Variants in ANXA4 observed in about 807,000 individuals in gnomAD.
ANXA4 encodes the protein annexin A4, also known as 35-beta calcimedin.
A neutral mutation model predicts 49.8 loss-of-function variants in ANXA4; 39 were observed. The observed-to-expected ratio is 0.78, with a 90% CI of 0.61 to 1.02. The LOEUF is 1.02. Ranked by LOEUF, ANXA4 falls within the 50% of genes least tolerant of loss-of-function variation. ANXA4 has a pLI of 0.00. For synonymous variants in ANXA4, 134 were observed against 152.5 expected (o/e 0.88, Z 0.89); for missense variants, 360 against 410.1 (o/e 0.88, Z 1.05).
chr2:69,750,281 T>C (rs1274461751), intron 1 of ANXA4, among the ~76,000 whole-genome samples: 1 of 152,254 alleles, frequency 6.6e-6, no homozygotes, highest in African/African-American at 2.4e-5. Context: ...AGCATGCAAG[T>C]ATCCTTCAGT....
chr2:69,721,761 A>C (rs1669817749), intron 3 of ANXA4, among the ~76,000 whole-genome samples: 1 of 152,196 alleles, frequency 6.6e-6, no homozygotes, highest in African/African-American at 2.4e-5. Flanking sequence ...CTAGACAATA[A>C]GGACAAATCA....
intron 3 of ANXA4, among the ~76,000 whole-genome samples, chr2:69,733,857 A>T (rs555686110): frequency 3.2e-4 from 49 of 151,568 alleles, no homozygotes; most frequent in African/African-American, 1.2e-3. Context: ...ATGTTCCCGA[A>T]TTTTTTTTAC....
At chr2:69,758,302 C>G (rs1671142836) in intron 1 of ANXA4, among the ~76,000 whole-genome samples, 1 of 152,158 alleles carries the variant, frequency 6.6e-6, no homozygotes, top group South Asian at 2.1e-4. Context: ...CGTGAGCTAC[C>G]GTACCTGACC....
intron 2 of ANXA4, among the ~76,000 whole-genome samples, chr2:69,681,915 C>T (rs1185289952): frequency 2.6e-5 from 4 of 151,950 alleles, no homozygotes; most frequent in Non-Finnish European, 5.9e-5. Context: ...TGGCTTATTC[C>T]AGCCTTGACC....
chr2:69,701,743 G>T (rs1257432994), intron 2 of ANXA4, among the ~76,000 whole-genome samples: 1 of 152,126 alleles, frequency 6.6e-6, no homozygotes, highest in African/African-American at 2.4e-5. Flanking sequence ...CTCCATGGAA[G>T]AGGAATCTGG....
chr2:69,825,011 G>A (rs892146118), intron 12 of ANXA4, among the ~76,000 whole-genome samples: 8 of 140,976 alleles, frequency 5.7e-5, no homozygotes, highest in African/African-American at 2.1e-4. Flanking sequence ...AGCTTGCAGT[G>A]AGTCAAGATG....
At chr2:69,773,027 A>G (rs1671794025) in intron 1 of ANXA4, among the ~76,000 whole-genome samples, 1 of 152,168 alleles carries the variant, frequency 6.6e-6, no homozygotes, top group African/African-American at 2.4e-5. Context: ...AAAAAAAGAA[A>G]GAAAGAAAGA....
intron 2 of ANXA4, among the ~76,000 whole-genome samples, chr2:69,664,783 G>A (rs947272298): frequency 6.6e-5 from 10 of 152,128 alleles, no homozygotes; most frequent in African/African-American, 1.7e-4. Context: ...CTTCTCGGAC[G>A]GGTTTCTGTG....
chr2:69,729,094 A>AC (rs1303521484), intron 3 of ANXA4, among the ~76,000 whole-genome samples: 1 of 152,102 alleles, frequency 6.6e-6, no homozygotes, highest in African/African-American at 2.4e-5. Flanking sequence ...GCTCACTGCA[A>AC]CCTCCACCAC....
intron 2 of ANXA4, among the ~76,000 whole-genome samples, chr2:69,714,493 C>T (rs1337649269): frequency 6.6e-6 from 1 of 152,246 alleles, no homozygotes; most frequent in Non-Finnish European, 1.5e-5. Context: ...ACATAACACT[C>T]CACCTGCCCC....
At chr2:69,771,312 G>T (rs921603190) in intron 1 of ANXA4, among the ~76,000 whole-genome samples, 1 of 152,080 alleles carries the variant, frequency 6.6e-6, no homozygotes, top group Admixed American at 6.5e-5. Context: ...CACCCTTTCC[G>T]TAGGACAGGG....
At chr2:69,723,606 T>G (rs1295144688) in intron 3 of ANXA4, among the ~76,000 whole-genome samples, 1 of 152,240 alleles carries the variant, frequency 6.6e-6, no homozygotes, top group African/African-American at 2.4e-5. Context: ...CTTTTGTCTA[T>G]CCACAAATTT....
chr2:69,648,820 CAAAAAAAAAAAA>C (rs372749631), intron 1 of ANXA4, among the ~76,000 whole-genome samples: 1 of 44,928 alleles, frequency 2.2e-5, no homozygotes, highest in African/African-American at 8.6e-5. Context: ...GACTCAGTCT[CAAAAAAAAAAAA>C]AAAAAAAAAA....
chr2:69,732,533 C>T (rs1211688463), intron 3 of ANXA4, among the ~76,000 whole-genome samples: 5 of 151,522 alleles, frequency 3.3e-5, no homozygotes, highest in Non-Finnish European at 2.9e-5. Flanking sequence ...CCAAGGCAGG[C>T]GGATCACCTG....
chr2:69,706,160 T>C (rs78492961), intron 2 of ANXA4, among the ~76,000 whole-genome samples: 2,313 of 151,844 alleles, frequency 0.015, 48 homozygotes, highest in East Asian at 0.08. Context: ...ACTCTGGTTT[T>C]TGTTTTGATT....
At chr2:69,713,995 T>C (rs1678779489) in intron 2 of ANXA4, 2 of 152,278 alleles carry the variant, frequency 1.3e-5, no homozygotes, top group Admixed American at 1.3e-4. Context: ...TGCTCTGTCC[T>C]CCGCAAGAGA....
At chr2:69,667,667 A>G (rs939928000) in intron 2 of ANXA4, among the ~76,000 whole-genome samples, 2 of 152,108 alleles carry the variant, frequency 1.3e-5, no homozygotes, top group African/African-American at 4.8e-5. Context: ...TCCTCTCCAC[A>G]TAGCATGTGA....
chr2:69,735,518 C>T lies in ANXA4; in HGVS notation n.864+14647C>T, dbSNP rs148054992. Among the ~76,000 whole-genome samples the T allele has an allele frequency of 1.7e-3, 259 of 152,256 alleles. 1 individual carries two copies. The highest frequency in any genetic ancestry group is 3.9e-3 in the South Asian group (19 of 4,828). On this transcript the variant is annotated intron_variant and non_coding_transcript_variant, in intron 3 of 3. Transcript: ENST00000418066. ...AAAGTCATCTTCCTTGCCCCAACAC[C>T]TTGTCTCTCAACTTGTTGGCTGCTG...
At chr2:69,687,979 G>A (rs1677848412) in intron 2 of ANXA4, among the ~76,000 whole-genome samples, 1 of 152,114 alleles carries the variant, frequency 6.6e-6, no homozygotes, top group African/African-American at 2.4e-5. Context: ...TCACACTTAA[G>A]AAATTAATAT....
Sources: gnomAD v4.1 joint callset for allele counts (sites outside exome capture counted in the v4.1 genomes callset) on GRCh38, gnomAD v4.1.1 for gene constraint, MANE v1.5 for transcripts, NCBI Gene and HGNC (gene_info 2026-07-23, HGNC 2026-07-21) for gene names.